The following ACSS3 variants were observed in gnomAD, a reference collection of about 807,000 sequenced individuals.
The protein encoded by ACSS3 is acyl-CoA synthetase short chain family member 3, also known as acyl-CoA synthetase short-chain family member 3, mitochondrial.
A neutral mutation model predicts 84.2 loss-of-function variants in ACSS3; 64 were observed. The observed-to-expected ratio is 0.76, with a 90% CI of 0.62 to 0.94. The LOEUF (loss-of-function observed/expected upper bound fraction) is 0.94. Among genes scored for constraint, ACSS3 ranks in the 40% least tolerant of loss-of-function variants. ACSS3 has a pLI of 0.00. For missense variants in ACSS3, 815 were observed against 867.6 expected (o/e 0.94, Z 0.76); for synonymous variants, 317 against 310.1 (o/e 1.02, Z -0.23).
intron 2 of ACSS3, among the ~76,000 whole-genome samples, chr12:81,133,672 C>T (rs762147772): frequency 6.6e-6 from 1 of 152,062 alleles, no homozygotes; most frequent in Non-Finnish European, 1.5e-5. Context: ...CTTTACTCTG[C>T]TCTACTTCCC....
In ACSS3 at chr12:81,258,427, C is replaced by G. The variant is rs2034421362; in HGVS notation, c.*3505C>G. The G allele has an allele frequency of 6.6e-6, 1 of 151,952 alleles. No homozygotes were observed. The highest frequency in any genetic ancestry group is 1.5e-5 in the Non-Finnish European group (1 of 67,988). The allele number at this position is 151,952 out of a possible 1,614,324, so 9.4% of individuals were successfully genotyped here. A position where few individuals can be genotyped will look rare whatever the true frequency, so the allele number is the denominator to read the frequency against. On this transcript the variant is annotated 3_prime_UTR_variant, in exon 16 of 16. Coordinates refer to ENST00000548058, the MANE Select transcript of ACSS3 (RefSeq NM_024560.4). ...GAAATTACTAATGACAGGTCTTGCGCTTAATAAGATCAAGCAGCAGAAAAT... is the reference window on the plus strand; with the variant it reads ...GAAATTACTAATGACAGGTCTTGCGGTTAATAAGATCAAGCAGCAGAAAAT...
rs778657686 is a variant in ACSS3 at position 81,220,072 on chromosome 12, G to A, written c.1510G>A (p.Val504Ile). The A allele has an allele frequency of 6.5e-7, 1 of 1,533,842 alleles. No individual in the cohort carries two copies. Among genetic ancestry groups the A allele is most frequent in the Admixed American group, 2.0e-5 (1 of 51,238 alleles). The change falls in exon 11 of 16, where the codon GTA becomes ATA. Residue 504 changes from valine (V) to isoleucine (I), a missense_variant. Physicochemically the swap from Val to Ile is conservative, Grantham distance 29. Transcript: ENST00000548058. ...LKARCLGNIV[V>I]KLPLPPGAFS... ...GGCTCGGTGTTTAGGAAATATTGTG[G>A]TAAAGTAAGCAAAAATTTCAATACT...
intron 11 of ACSS3, among the ~76,000 whole-genome samples, chr12:81,227,772 A>G (rs2033318866): frequency 6.6e-6 from 1 of 151,806 alleles, no homozygotes; most frequent in Admixed American, 6.6e-5. Context: ...TATTGCATAT[A>G]TTGAATTCTT....
Position 81,107,511 on chromosome 12 carries a change from C to CATAT in ACSS3, c.312-2003_312-2000dup, listed in dbSNP as rs566270568. Among the ~76,000 whole-genome samples, 209 of 38,766 alleles carry CATAT rather than the reference C, an allele frequency of 5.4e-3. 2 individuals carry two copies. Among genetic ancestry groups the CATAT allele is most frequent in the Admixed American group, 7.4e-3 (17 of 2,306 alleles). The allele number at this position is 38,766 out of a possible 152,430, so 25.4% of individuals were successfully genotyped here. ...TTTTTTTTTCAGGTACAAATATATA[C>CATAT]ATATATATATATATATATATATATA... On this transcript the variant is annotated intron_variant, in intron 1 of 15. Coordinates refer to ENST00000548058, the MANE Select transcript of ACSS3 (RefSeq NM_024560.4).
intron 9 of ACSS3, among the ~76,000 whole-genome samples, chr12:81,202,838 A>G (rs980311991): frequency 1.3e-5 from 2 of 152,218 alleles, no homozygotes; most frequent in African/African-American, 4.8e-5. Context: ...CTTGAGTTGT[A>G]AGAAGGGACT....
chr12:81,234,541 C>G (rs1438307320), intron 13 of ACSS3, among the ~76,000 whole-genome samples: 1 of 151,350 alleles, frequency 6.6e-6, no homozygotes, highest in Non-Finnish European at 1.5e-5. Flanking sequence ...CATACTTCTT[C>G]CCATTCTTTC....
intron 7 of ACSS3, among the ~76,000 whole-genome samples, chr12:81,157,145 T>C (rs1247239753): frequency 6.6e-6 from 1 of 152,186 alleles, no homozygotes; most frequent in Non-Finnish European, 1.5e-5. Context: ...ATCTATAAAA[T>C]GAATTATACA....
At chr12:81,122,874 C>T (rs1565988902) in intron 2 of ACSS3, among the ~76,000 whole-genome samples, 3 of 151,984 alleles carry the variant, frequency 2.0e-5, no homozygotes, top group Non-Finnish European at 2.9e-5. Context: ...CTCTAGGAAG[C>T]GTACAGAAAG....
intron 9 of ACSS3, among the ~76,000 whole-genome samples, chr12:81,214,643 G>C (rs112644929): frequency 1.3e-5 from 2 of 152,158 alleles, no homozygotes; most frequent in Non-Finnish European, 2.9e-5. Flanking sequence ...GAAGGACAAC[G>C]CTTCATTAAT....
At position 81,155,224 on chromosome 12, in the gene ACSS3, C is replaced by A. The variant is rs114599079; in HGVS notation, c.1098+3128C>A. ...CATCCTGACAGCTTGTTCTTCTTTT[C>A]TTCTCTTTGTTTCTTTCACTTTGGT... On this transcript the variant is annotated intron_variant, in intron 7 of 15. Transcript: ENST00000548058. Among the ~76,000 whole-genome samples, 760 of 152,278 alleles carry A rather than the reference C, an allele frequency of 5.0e-3. 10 individuals carry two copies. The highest frequency in any genetic ancestry group is 0.014 in the African/African-American group (593 of 41,576).
At chr12:81,184,828 T>G (rs1048220396) in intron 8 of ACSS3, among the ~76,000 whole-genome samples, 4 of 151,840 alleles carry the variant, frequency 2.6e-5, no homozygotes, top group African/African-American at 9.6e-5. Context: ...TTTATATCAA[T>G]ATTTCTAAAA....
At chr12:81,229,443 T>A (rs1352197912) in intron 11 of ACSS3, among the ~76,000 whole-genome samples, 2 of 151,944 alleles carry the variant, frequency 1.3e-5, no homozygotes, top group Non-Finnish European at 1.5e-5. Flanking sequence ...TTTTAGTATT[T>A]GTTATAGTCA....
rs2034312773 is a variant in ACSS3, at chr12:81,256,707, T to C, written c.*1785T>C. ...AACTTATATAAAAAAATTCTGAAAA[T>C]GTTGACTTTTTTTGGACTGAAGACT... On this transcript the variant is annotated 3_prime_UTR_variant, in exon 16 of 16. Coordinates refer to ENST00000548058, the MANE Select transcript of ACSS3 (RefSeq NM_024560.4). 1 of 152,144 alleles carries C rather than the reference T, an allele frequency of 6.6e-6. No homozygotes were observed. Among genetic ancestry groups the C allele is most frequent in the Non-Finnish European group, 1.5e-5 (1 of 68,014 alleles). 9.4% of individuals were successfully genotyped at this position (152,144 alleles called of 1,614,324 possible).
At chr12:81,253,961 A>G (rs2034227969) in intron 15 of ACSS3, among the ~76,000 whole-genome samples, 1 of 152,022 alleles carries the variant, frequency 6.6e-6, no homozygotes, top group African/African-American at 2.4e-5. Context: ...GTCTTGCTTT[A>G]TTACCCAGGC....
intron 1 of ACSS3, among the ~76,000 whole-genome samples, chr12:81,096,127 T>C (rs140965467): frequency 7.1e-4 from 108 of 152,354 alleles, no homozygotes; most frequent in Middle Eastern, 3.4e-3. Flanking sequence ...TAAAAATACT[T>C]AAAGCCTGCT....
At chr12:81,188,607 T>C (rs1463053609) in intron 8 of ACSS3, among the ~76,000 whole-genome samples, 1 of 152,086 alleles carries the variant, frequency 6.6e-6, no homozygotes, top group Admixed American at 6.6e-5. Flanking sequence ...TTGATATAAA[T>C]GGAATCATAC....
chr12:81,153,344 G>A (rs1167915479), intron 7 of ACSS3, among the ~76,000 whole-genome samples: 2 of 151,188 alleles, frequency 1.3e-5, no homozygotes, highest in Non-Finnish European at 2.9e-5. Context: ...GGAGGTAGAG[G>A]TTGCAGTGAG....
chr12:81,221,297 A>G (rs2033099857), intron 11 of ACSS3, among the ~76,000 whole-genome samples: 1 of 152,030 alleles, frequency 6.6e-6, no homozygotes, highest in Non-Finnish European at 1.5e-5. Context: ...CACCAGATTG[A>G]GCTACTATAA....
chr12:81,210,067 A>G (rs895783516), intron 9 of ACSS3, among the ~76,000 whole-genome samples: 1 of 152,136 alleles, frequency 6.6e-6, no homozygotes, highest in Non-Finnish European at 1.5e-5. Context: ...TTCCTGTCTC[A>G]TCCTGTGACT....
Sources: allele counts gnomAD v4.1 joint callset (sites outside exome capture counted in the v4.1 genomes callset), GRCh38; gene constraint gnomAD v4.1.1; transcripts MANE v1.5; gene names NCBI Gene and HGNC (gene_info 2026-07-23, HGNC 2026-07-21).